CHD1L: variants seen among roughly 807,000 people sequenced by gnomAD.
The protein encoded by CHD1L is ATP-dependent chromatin remodeler CHD1L.
Under a neutral mutation model 115.9 loss-of-function variants are expected in CHD1L, and 118 were observed. The observed-to-expected ratio is 1.02, with a 90% CI of 0.88 to 1.19. The LOEUF is 1.19. Among genes scored for constraint, CHD1L ranks in the 50% most tolerant of loss-of-function variants. The probability of loss-of-function intolerance (pLI) is 0.00; values close to 1 mark genes in which losing one functional copy is unlikely to be tolerated. For missense variants in CHD1L, 1,179 were observed against 1,065.3 expected, an observed-to-expected ratio of 1.11 and a Z score of -1.49; for synonymous variants, 411 against 387.1, an observed-to-expected ratio of 1.06 and a Z score of -0.72.
intron 6 of CHD1L, 75 bp from the exon 7 acceptor site, chr1:147,264,347 A>G (rs1197449628): frequency 9.9e-6 from 13 of 1,307,218 alleles, no homozygotes; most frequent in African/African-American, 3.0e-5. Context: ...CTGTGTGGGT[A>G]AAGGTTGTGA....
the CHD1L span, among the ~76,000 whole-genome samples, chr1:147,191,146 G>A: frequency 6.1e-3 from 932 of 152,200 alleles, 4 homozygotes; most frequent in Middle Eastern, 0.01. Flanking sequence ...ATAAACATAC[G>A]TGTGCATGTG....
chr1:147,237,520 G>A, the CHD1L span, among the ~76,000 whole-genome samples: 2 of 152,238 alleles, frequency 1.3e-5, no homozygotes, highest in East Asian at 3.9e-4. Context: ...CTGTACCTGG[G>A]GAGCAGGAAG....
the CHD1L span, chr1:147,225,164 T>C: frequency 6.6e-7 from 1 of 1,523,156 alleles, no homozygotes; most frequent in Non-Finnish European, 8.8e-7. Context: ...GTACAAGAGG[T>C]GTCTTGAGGA....
intron 15 of CHD1L, among the ~76,000 whole-genome samples, chr1:147,280,495 C>G (rs1553961252): frequency 6.6e-6 from 1 of 152,178 alleles, no homozygotes; most frequent in Non-Finnish European, 1.5e-5. Context: ...ACATCTTCTT[C>G]TTTATTAGTA....
chr1:147,186,889 C>T, the CHD1L span: 1 of 1,604,030 alleles, frequency 6.2e-7, no homozygotes, highest in Admixed American at 1.7e-5. Flanking sequence ...AGGGCAGTGA[C>T]AATAGGACAA....
In CHD1L at chr1:147,271,013, C is replaced by A. The variant is rs370469707; in HGVS notation, c.1159+8C>A. On this transcript the variant is annotated splice_region_variant and intron_variant, in intron 11 of 22. Coordinates refer to ENST00000369258, the MANE Select transcript of CHD1L (RefSeq NM_004284.6). The stretch of plus-strand genomic sequence containing the variant: ...ACTATATGGATTACAGAGGTGACAC[C>A]TTTTGGCCACTACATTACCTAAGGC... The A allele has an allele frequency of 4.3e-6, 7 of 1,610,156 alleles. No homozygotes were observed. Among genetic ancestry groups the A allele is most frequent in the Non-Finnish European group, 5.9e-6 (7 of 1,176,616 alleles).
At chr1:147,251,902 A>G (rs1668530750) in intron 1 of CHD1L, among the ~76,000 whole-genome samples, 1 of 152,174 alleles carries the variant, frequency 6.6e-6, no homozygotes, top group Non-Finnish European at 1.5e-5. Flanking sequence ...ATTTTGTACA[A>G]TTATGTATTT....
the CHD1L span, chr1:147,215,593 G>C: frequency 3.6e-6 from 2 of 554,178 alleles, no homozygotes; most frequent in Non-Finnish European, 6.3e-6. Context: ...GAATATTTTT[G>C]AGGAGCAAAG....
chr1:147,255,268 C>T (rs782771643), intron 3 of CHD1L, among the ~76,000 whole-genome samples: 7 of 152,202 alleles, frequency 4.6e-5, no homozygotes, highest in African/African-American at 1.2e-4. Context: ...GCTCTTGTTG[C>T]CCAGGCTGAA....
intron 18 of CHD1L, 81 bp downstream of exon 18, chr1:147,286,581 T>C: frequency 8.0e-7 from 1 of 1,250,382 alleles, no homozygotes; most frequent in Non-Finnish European, 1.2e-6. Context: ...GCACTGGGAC[T>C]GGGGTGGTGG....
the CHD1L span, chr1:147,178,079 G>A: frequency 1.9e-5 from 25 of 1,323,426 alleles, no homozygotes; most frequent in Non-Finnish European, 2.6e-5. Context: ...GTCGAGCCGC[G>A]ACCCTTCCGG....
chr1:147,224,799 C>T, the CHD1L span: 1 of 1,263,694 alleles, frequency 7.9e-7, no homozygotes, highest in Non-Finnish European at 1.1e-6. Flanking sequence ...CGTGTGCCAA[C>T]CGCGCCCGGC....
chr1:147,279,991 G>A (rs1253435452), intron 14 of CHD1L, 35 bp from the exon 15 acceptor site: 2 of 1,611,298 alleles, frequency 1.2e-6, no homozygotes, highest in Non-Finnish European at 1.7e-6. Context: ...CTTTTCATGA[G>A]AATTTGCTGG....
intron 6 of CHD1L, chr1:147,260,818 A>G (rs1191021435): frequency 6.6e-6 from 1 of 152,180 alleles, no homozygotes; most frequent in East Asian, 1.9e-4. Flanking sequence ...TCATTCTGGC[A>G]AAGTAGATGA....
chr1:147,285,417 GCAGC>G lies in CHD1L; in HGVS notation c.1949_1952del (p.Ala650ValfsTer8), dbSNP rs782606870. 6.2e-7 allele frequency: 1 copy of G among 1,614,072 alleles called. No individual in the cohort carries two copies. Among genetic ancestry groups the G allele is most frequent in the East Asian group, 2.2e-5 (1 of 44,868 alleles). On this transcript the variant is annotated frameshift_variant, in exon 17 of 23. Coordinates refer to ENST00000369258, the MANE Select transcript of CHD1L (RefSeq NM_004284.6). LOFTEE classifies it high-confidence loss of function. ...GGACAGACAGAAGAAAAGACAAGAA[GCAGC>G]TGCCAAGAGAAGGAGACTCATAGAG... is the stretch of plus-strand genomic sequence containing the variant.
At chr1:147,214,469 A>AC in the CHD1L span, among the ~76,000 whole-genome samples, 52 of 147,572 alleles carry the variant, frequency 3.5e-4, no homozygotes, top group South Asian at 1.1e-3. Flanking sequence ...CAAAAAACAA[A>AC]AAAAAAAAGA....
At chr1:147,213,694 C>G in the CHD1L span, among the ~76,000 whole-genome samples, 6 of 152,144 alleles carry the variant, frequency 3.9e-5, no homozygotes, top group African/African-American at 1.4e-4. Flanking sequence ...CTAATGTACC[C>G]TCCTCTTCTA....
chr1:147,287,505 G>A, intron 18 of CHD1L, 130 bp from the exon 19 acceptor site: 1 of 624,368 alleles, frequency 1.6e-6, no homozygotes, highest in Non-Finnish European at 2.8e-6. Flanking sequence ...ATTCCTAGGA[G>A]ATAAGATATT....
chr1:147,225,263 C>T, the CHD1L span: 1 of 1,153,180 alleles, frequency 8.7e-7, no homozygotes, highest in Non-Finnish European at 1.2e-6. Flanking sequence ...GCTGAGAGTG[C>T]TCTGCTGCGG....
Sources: gnomAD v4.1 joint callset for allele counts (sites outside exome capture counted in the v4.1 genomes callset) on GRCh38, gnomAD v4.1.1 for gene constraint, MANE v1.5 for transcripts, NCBI Gene and HGNC (gene_info 2026-07-23, HGNC 2026-07-21) for gene names.